The following CAMSAP2 variants were observed in gnomAD, a reference collection of about 807,000 sequenced individuals.
CAMSAP2 encodes calmodulin regulated spectrin associated protein family member 2, also known as calmodulin-regulated spectrin-associated protein 2.
CAMSAP2 carries 26 observed loss-of-function variants against 146.1 expected under a neutral mutation model. The ratio of observed to expected loss-of-function variants is 0.18; its 90% CI spans 0.13 to 0.25. CAMSAP2 has a LOEUF of 0.25. Ranked by LOEUF, CAMSAP2 falls within the 10% of genes least tolerant of loss-of-function variation. The probability of loss-of-function intolerance (pLI) is 1.00; values close to 1 mark genes in which losing one functional copy is unlikely to be tolerated. For synonymous variants in CAMSAP2, 499 were observed against 596.6 expected (o/e 0.84, Z 2.38); for missense variants, 1,381 against 1,759.3 (o/e 0.78, Z 3.85).
intron 7 of CAMSAP2, among the ~76,000 whole-genome samples, chr1:200,843,340 C>T (rs1246998906): frequency 1.3e-5 from 2 of 152,148 alleles, no homozygotes; most frequent in Non-Finnish European, 2.9e-5. Flanking sequence ...CAGCCCACCG[C>T]ATCTCAGGCA....
At position 200,832,224 on chromosome 1, in the gene CAMSAP2, T is replaced by A. The variant is rs1667061519; in HGVS notation, c.670T>A (p.Leu224Met). 3.1e-6 allele frequency: 5 copies of A among 1,612,444 alleles called. No homozygotes were observed. The highest frequency in any genetic ancestry group is 4.2e-6 in the Non-Finnish European group (5 of 1,179,290). ...QKARYRKEQT[L>M]LKQLPCIPLV... Reference sequence around the variant, plus strand: ...GGCTCGTTATCGGAAAGAGCAAACATTGCTTAAGCAACTGCCTTGCATTCC... The same window carrying A: ...GGCTCGTTATCGGAAAGAGCAAACAATGCTTAAGCAACTGCCTTGCATTCC... The change falls in exon 5 of 17, where the codon TTG (leucine) becomes ATG (methionine). Residue 224 changes from leucine (L) to methionine (M), a missense_variant. Coordinates refer to ENST00000358823, the MANE Select transcript of CAMSAP2 (RefSeq NM_203459.4). The surrounding 1 kb of genome is among the most constrained non-coding windows in gnomAD (Gnocchi z 4.2).
chr1:200,809,458 C>G (rs897650942), intron 3 of CAMSAP2, among the ~76,000 whole-genome samples: 1 of 152,200 alleles, frequency 6.6e-6, no homozygotes, highest in African/African-American at 2.4e-5. Context: ...AATACCTGAG[C>G]CGGGCTCAGT....
chr1:200,740,157 G>A (rs1208964893), intron 1 of CAMSAP2, among the ~76,000 whole-genome samples, 191 bp downstream of exon 1: 2 of 152,200 alleles, frequency 1.3e-5, no homozygotes, highest in African/African-American at 2.4e-5. Context: ...TGAAGGGCAC[G>A]TGAATGGTCA....
At chr1:200,805,010 CT>C (rs1442221799) in intron 2 of CAMSAP2, among the ~76,000 whole-genome samples, 1 of 152,162 alleles carries the variant, frequency 6.6e-6, no homozygotes, top group East Asian at 1.9e-4. Flanking sequence ...ATAAATGATA[CT>C]TCCTTTAGAG....
chr1:200,742,108 C>G (rs1664195863), intron 1 of CAMSAP2, among the ~76,000 whole-genome samples: 1 of 152,214 alleles, frequency 6.6e-6, no homozygotes, highest in African/African-American at 2.4e-5. Flanking sequence ...GATAAGGTAA[C>G]TGGCTCACAG....
chr1:200,816,585 ACTT>A (rs1177354791), intron 4 of CAMSAP2, among the ~76,000 whole-genome samples: 8 of 118,720 alleles, frequency 6.7e-5, no homozygotes, highest in Non-Finnish European at 1.5e-4. Flanking sequence ...TAAGAGCAAA[ACTT>A]CATCTCAAAA....
chr1:200,742,990 AT>A (rs923306265), intron 1 of CAMSAP2, among the ~76,000 whole-genome samples: 46 of 152,332 alleles, frequency 3.0e-4, no homozygotes, highest in African/African-American at 1.0e-3. Context: ...TTAATAGTTT[AT>A]TTTGTGGAAG....
At chr1:200,808,209 G>A (rs1446782125) in intron 3 of CAMSAP2, among the ~76,000 whole-genome samples, 2 of 152,072 alleles carry the variant, frequency 1.3e-5, no homozygotes, top group African/African-American at 4.8e-5. Context: ...GGATTCTTAG[G>A]TTTGCTTGAC....
intron 1 of CAMSAP2, among the ~76,000 whole-genome samples, chr1:200,753,586 A>G (rs1156942470): frequency 6.6e-6 from 1 of 152,204 alleles, no homozygotes; most frequent in African/African-American, 2.4e-5. Context: ...ATACCTAGAC[A>G]GTAGGAAAAA....
At chr1:200,837,879 G>A (rs747791608) in intron 6 of CAMSAP2, among the ~76,000 whole-genome samples, 10 of 152,114 alleles carry the variant, frequency 6.6e-5, no homozygotes, top group Admixed American at 2.0e-4. Context: ...TGGCTTAACT[G>A]TTGTTGGTGT....
At chr1:200,741,773 A>G (rs1355670854) in intron 1 of CAMSAP2, among the ~76,000 whole-genome samples, 3 of 152,212 alleles carry the variant, frequency 2.0e-5, no homozygotes, top group Non-Finnish European at 2.9e-5. Context: ...AATGAAGGGA[A>G]TCTAGTATCA....
At chr1:200,750,627 CT>C (rs11342306) in intron 1 of CAMSAP2, among the ~76,000 whole-genome samples, 87,692 of 142,722 alleles carry the variant, frequency 0.61, 26,735 homozygotes, top group East Asian at 0.7. Flanking sequence ...ATAGATACAT[CT>C]TTTTTTTTTT....
At chr1:200,817,698 T>A (rs1666643369) in intron 4 of CAMSAP2, among the ~76,000 whole-genome samples, 2 of 152,234 alleles carry the variant, frequency 1.3e-5, no homozygotes, top group African/African-American at 4.8e-5. Flanking sequence ...GTTCTGTCTC[T>A]TATCAACTTC....
chr1:200,762,765 G>A (rs1167411781), intron 2 of CAMSAP2, among the ~76,000 whole-genome samples: 4 of 152,088 alleles, frequency 2.6e-5, no homozygotes, highest in Non-Finnish European at 5.9e-5. Context: ...GAAATACTTG[G>A]ACAATTAATT....
chr1:200,749,486 C>T (rs1477897740), intron 1 of CAMSAP2, among the ~76,000 whole-genome samples: 1 of 152,140 alleles, frequency 6.6e-6, no homozygotes, highest in East Asian at 1.9e-4. Context: ...ATATTTAGTA[C>T]TTAGTATATT....
intron 4 of CAMSAP2, among the ~76,000 whole-genome samples, chr1:200,827,570 T>C (rs1666935894): frequency 6.6e-6 from 1 of 152,154 alleles, no homozygotes; most frequent in African/African-American, 2.4e-5. Context: ...CCTGGTGCTA[T>C]AAGAAAAATT....
At chr1:200,744,276 C>T (rs1250851004) in intron 1 of CAMSAP2, among the ~76,000 whole-genome samples, 1 of 152,130 alleles carries the variant, frequency 6.6e-6, no homozygotes, top group Non-Finnish European at 1.5e-5. Context: ...GAGATTTAAT[C>T]TCTAGTATTT....
chr1:200,750,625 A>C (rs1217927595), intron 1 of CAMSAP2, among the ~76,000 whole-genome samples: 1 of 107,262 alleles, frequency 9.3e-6, no homozygotes, highest in Admixed American at 1.1e-4. Context: ...AGATAGATAC[A>C]TCTTTTTTTT....
intron 9 of CAMSAP2, 24 bp from the exon 10 acceptor site, chr1:200,847,616 G>C: frequency 6.3e-7 from 1 of 1,587,508 alleles, no homozygotes; most frequent in Non-Finnish European, 8.6e-7. Context: ...GATTTCAATG[G>C]CTTTTTCTTT....
Sources: allele counts gnomAD v4.1 joint callset (sites outside exome capture counted in the v4.1 genomes callset), GRCh38; gene constraint gnomAD v4.1.1; non-coding constraint Gnocchi (gnomAD v3.1); transcripts MANE v1.5; gene names NCBI Gene and HGNC (gene_info 2026-07-23, HGNC 2026-07-21).